The following VCL variants were observed in gnomAD, a reference collection of about 807,000 sequenced individuals.
VCL encodes vinculin.
A neutral mutation model predicts 125.7 loss-of-function variants in VCL; 47 were observed. The ratio of observed to expected loss-of-function variants is 0.37; its 90% CI spans 0.30 to 0.48. The LOEUF (loss-of-function observed/expected upper bound fraction) is 0.48, where lower values mean the gene tolerates loss of function less well. VCL is among the 20% of genes least tolerant of loss of function. The pLI is 0.99. For synonymous variants in VCL, 458 were observed against 514.6 expected (o/e 0.89, Z 1.49); for missense variants, 1,069 against 1,455.5 (o/e 0.73, Z 4.32).
intron 6 of VCL, chr10:74,076,080 CTTTT>C (rs1295924231): frequency 6.6e-6 from 1 of 152,158 alleles, no homozygotes. Flanking sequence ...TTTTTTTGTT[CTTTT>C]GTTTTATTCT....
At chr10:74,082,887 T>A (rs549909603) in intron 7 of VCL, among the ~76,000 whole-genome samples, 1 of 152,358 alleles carries the variant, frequency 6.6e-6, no homozygotes, top group Admixed American at 6.5e-5. Flanking sequence ...TCCATTTATG[T>A]CAACAGAGTT....
chr10:74,045,014 A>G (rs967921271), intron 2 of VCL, among the ~76,000 whole-genome samples: 1 of 151,928 alleles, frequency 6.6e-6, no homozygotes, highest in Non-Finnish European at 1.5e-5. Flanking sequence ...ACTCATCTCT[A>G]CAAAACATTA....
chr10:74,018,422 A>G (rs1006239884), intron 1 of VCL, among the ~76,000 whole-genome samples: 1 of 151,900 alleles, frequency 6.6e-6, no homozygotes. Context: ...CCAAGGAGCA[A>G]ACATGGAATG....
rs1384382941 is a variant in VCL at position 74,018,187 on chromosome 10, T to TATATATATATATATATAAATAC, written c.168+19827_168+19828insTAAATACATATATATATATATA. 2.3e-4 allele frequency among the ~76,000 whole-genome samples: 31 copies of TATATATATATATATATAAATAC among 136,876 alleles called. 1 individual carries two copies. Among genetic ancestry groups the TATATATATATATATATAAATAC allele is most frequent in the Non-Finnish European group, 4.4e-4 (28 of 62,934 alleles). The allele number at this position is 136,876 out of a possible 152,430, so 89.8% of individuals were successfully genotyped here. A position where few individuals can be genotyped will look rare whatever the true frequency, so the allele number is the denominator to read the frequency against. ...TGAGGATATATATAGGATATATATA[T>TATATATATATATATATAAATAC]ATATATATATATATAAATACATATA... On this transcript the variant is annotated intron_variant, in intron 1 of 21. Transcript: ENST00000211998.
intron 1 of VCL, among the ~76,000 whole-genome samples, chr10:74,023,282 C>T (rs1182997623): frequency 1.3e-5 from 2 of 152,186 alleles, no homozygotes; most frequent in Non-Finnish European, 2.9e-5. Flanking sequence ...CAGTTGCCTA[C>T]AGTATTCAGA....
At chr10:74,050,111 GA>G (rs1474121311) in intron 2 of VCL, among the ~76,000 whole-genome samples, 2 of 152,298 alleles carry the variant, frequency 1.3e-5, no homozygotes, top group African/African-American at 2.4e-5. Context: ...ATATGAACTT[GA>G]AAAGGGCATG....
intron 2 of VCL, among the ~76,000 whole-genome samples, chr10:74,059,557 A>G (rs1416801835): frequency 6.6e-6 from 1 of 151,988 alleles, no homozygotes; most frequent in Non-Finnish European, 1.5e-5. Context: ...GGCATGTGCC[A>G]CCACGCTTGG....
intron 6 of VCL, chr10:74,077,495 A>T (rs1242096313): frequency 5.7e-6 from 1 of 176,196 alleles, no homozygotes; most frequent in East Asian, 1.7e-4. Flanking sequence ...GGTAGCTAGG[A>T]TTTTGGCTCT....
Position 74,071,450 on chromosome 10 carries a change from T to C in VCL, c.499+367T>C, listed in dbSNP as rs113195070. Among the ~76,000 whole-genome samples the C allele has an allele frequency of 0.047, 7,220 of 152,332 alleles. 241 individuals are homozygous for C. The highest frequency in any genetic ancestry group is 0.075 in the Middle Eastern group (22 of 294). On this transcript the variant is annotated intron_variant, in intron 4 of 21. Transcript: ENST00000211998. This position sits in a 1 kb window ranked among gnomAD's most constrained non-coding sequence, Gnocchi z 4.1. ...CTGCCAGCTGGCCTGTAGTTCTTTA[T>C]GACCTCTTAGCTTGCTAATTAGCCT...
At chr10:74,047,898 G>T (rs775647418) in intron 2 of VCL, among the ~76,000 whole-genome samples, 1 of 152,158 alleles carries the variant, frequency 6.6e-6, no homozygotes, top group African/African-American at 2.4e-5. Context: ...CTGTAAAAGT[G>T]AGAGCCATTT....
intron 2 of VCL, among the ~76,000 whole-genome samples, chr10:74,061,855 A>G (rs56361489): frequency 0.54 from 80,800 of 149,082 alleles, 22,892 homozygotes; most frequent in Non-Finnish European, 0.62. Flanking sequence ...TAGTTGTTCT[A>G]TTTGGGTCTT....
chr10:74,026,555 GA>G, intron 1 of VCL, among the ~76,000 whole-genome samples: 1 of 151,626 alleles, frequency 6.6e-6, no homozygotes, highest in African/African-American at 2.4e-5. Flanking sequence ...TTTTTTTTTT[GA>G]AGGAGAAAAC....
At chr10:74,065,281 C>T (rs763969298) in intron 2 of VCL, among the ~76,000 whole-genome samples, 1 of 151,868 alleles carries the variant, frequency 6.6e-6, no homozygotes, top group Non-Finnish European at 1.5e-5. Context: ...GGATTACAGG[C>T]GCTTGTCACC....
intron 6 of VCL, chr10:74,076,238 A>G (rs1316263980): frequency 6.6e-6 from 1 of 152,542 alleles, no homozygotes; most frequent in Non-Finnish European, 1.5e-5. Flanking sequence ...TGTGCGTCAG[A>G]ATGTGATTTA....
At chr10:74,087,369 G>A (rs753433364) in intron 8 of VCL, among the ~76,000 whole-genome samples, 9 of 132,168 alleles carry the variant, frequency 6.8e-5, no homozygotes, top group African/African-American at 1.4e-4. Context: ...TTTTTGAGAC[G>A]GAGTCTCGCT....
chr10:74,038,826 A>G (rs528079278), intron 1 of VCL, among the ~76,000 whole-genome samples: 2 of 152,324 alleles, frequency 1.3e-5, no homozygotes, highest in African/African-American at 4.8e-5. Flanking sequence ...ATCTTTGGAT[A>G]ATAACTGTTT....
At chr10:74,083,114 T>G (rs1839704653) in intron 7 of VCL, among the ~76,000 whole-genome samples, 1 of 152,230 alleles carries the variant, frequency 6.6e-6, no homozygotes, top group African/African-American at 2.4e-5. Context: ...ATCATCCATA[T>G]TCTTACCACA....
At chr10:74,104,003 C>G in intron 15 of VCL, 75 bp downstream of exon 15, 1 of 1,421,500 alleles carries the variant, frequency 7.0e-7, no homozygotes, top group Non-Finnish European at 9.9e-7. Flanking sequence ...GGGACTGGTT[C>G]TGTTACTCAG....
chr10:74,115,805 C>T (rs1840303434), intron 21 of VCL, among the ~76,000 whole-genome samples: 1 of 152,216 alleles, frequency 6.6e-6, no homozygotes, highest in African/African-American at 2.4e-5. Flanking sequence ...AATAAGGATG[C>T]TGAGAAGGTT....
Sources: gnomAD v4.1 joint callset for allele counts (sites outside exome capture counted in the v4.1 genomes callset) on GRCh38, gnomAD v4.1.1 for gene constraint, Gnocchi (gnomAD v3.1) non-coding constraint, MANE v1.5 for transcripts, NCBI Gene and HGNC (gene_info 2026-07-23, HGNC 2026-07-21) for gene names.